ZNF382: variants seen among roughly 807,000 people sequenced by gnomAD.
ZNF382 encodes the protein zinc finger protein 382.
Under a neutral mutation model 38.8 loss-of-function variants are expected in ZNF382, and 20 were observed. That is an observed-to-expected ratio of 0.51 (90% CI 0.36 to 0.75). The LOEUF (loss-of-function observed/expected upper bound fraction) is 0.75. Among genes scored for constraint, ZNF382 ranks in the 30% least tolerant of loss-of-function variants. The pLI, the probability that ZNF382 is intolerant of heterozygous loss-of-function variation, is 0.00. For missense variants in ZNF382, 546 were observed against 654.1 expected (o/e 0.83, Z 1.80); for synonymous variants, 202 against 223.1 (o/e 0.91, Z 0.84).
At position 36,607,579 on chromosome 19, in the gene ZNF382, T is replaced by C. The variant is rs2037044641; in HGVS notation, c.-57T>C. 1.3e-6 allele frequency: 2 copies of C among 1,534,926 alleles called. No individual in the cohort carries two copies. The highest frequency in any genetic ancestry group is 1.7e-6 in the Non-Finnish European group (2 of 1,146,516). ...CTGTTTCTTTTTCCAAAAGAGGAGC[T>C]CAAAAGAGAAAGTTCATCTAGAAAT... On this transcript the variant is annotated 5_prime_UTR_variant, in exon 2 of 5. Transcript: ENST00000292928.
At position 36,633,722 on chromosome 19, in the gene ZNF382, C is replaced by G. The variant is rs2037268735; in HGVS notation, c.*6172C>G. ...GTAAATGGATACACTGTGGTACATT[C>G]CCAAGATGGAATTCTACTCAACGAT... On this transcript the variant is annotated 3_prime_UTR_variant, in exon 5 of 5. Transcript: ENST00000292928. The G allele has an allele frequency of 6.6e-6, 1 of 151,952 alleles. No homozygotes were observed. Among genetic ancestry groups the G allele is most frequent in the South Asian group, 2.1e-4 (1 of 4,814 alleles). The allele number at this position is 151,952 out of a possible 1,614,324, so 9.4% of individuals were successfully genotyped here. A position where few individuals can be genotyped will look rare whatever the true frequency, so the allele number is the denominator to read the frequency against.
chr19:36,627,328 A>G lies in ZNF382; in HGVS notation c.1431A>G (p.Ala477=). ...GTGGGAAGTCCTTCCGCCAGAAGGC[A>G]ATCCTCACTGTTCATCACAGAATAC... is the stretch of plus-strand genomic sequence containing the variant. The part of the protein sequence containing the change: ...NECGKSFRQK[A]ILTVHHRIHT... Residue 477 remains alanine (A), a synonymous_variant, in exon 5 of 5, where the codon GCA becomes GCG. Transcript: ENST00000292928. The G allele has an allele frequency of 6.2e-7, 1 of 1,614,190 alleles. No homozygotes were observed.
At chr19:36,618,175 TC>T (rs1216607501) in intron 4 of ZNF382, among the ~76,000 whole-genome samples, 2 of 152,196 alleles carry the variant, frequency 1.3e-5, no homozygotes, top group African/African-American at 4.8e-5. Context: ...ATATTGGTCT[TC>T]ATGAATCCAT....
At chr19:36,613,366 A>C (rs948650028) in intron 4 of ZNF382, among the ~76,000 whole-genome samples, 4 of 148,974 alleles carry the variant, frequency 2.7e-5, no homozygotes, top group African/African-American at 9.9e-5. Flanking sequence ...AGTGAGGATA[A>C]TTCTCTTTTC....
At chr19:36,623,827 ACAC>A (rs1299196001) in intron 4 of ZNF382, among the ~76,000 whole-genome samples, 1 of 150,492 alleles carries the variant, frequency 6.6e-6, no homozygotes, top group Non-Finnish European at 1.5e-5. Flanking sequence ...GCAGTGGCTC[ACAC>A]CTGTAATCTC....
In ZNF382 at chr19:36,632,809, A is replaced by G. The variant is rs1463123641; in HGVS notation, c.*5259A>G. On this transcript the variant is annotated 3_prime_UTR_variant, in exon 5 of 5. Transcript: ENST00000292928. Reference sequence around the variant, plus strand: ...CCTGATAATGTATGTGAACAAGCATATCTCCTCACCCTCTGTGTCCCCAGT... The same window carrying G: ...CCTGATAATGTATGTGAACAAGCATGTCTCCTCACCCTCTGTGTCCCCAGT... 1 of 152,216 alleles carries G rather than the reference A, an allele frequency of 6.6e-6. No homozygotes were observed. Among genetic ancestry groups the G allele is most frequent in the Non-Finnish European group, 1.5e-5 (1 of 68,046 alleles). The allele number at this position is 152,216 out of a possible 1,614,324, so 9.4% of individuals were successfully genotyped here.
rs890859814 is a variant in ZNF382, at chr19:36,628,409, A to C, written c.*859A>C. ...ACTTTCACCACATGAGATAATTGAC[A>C]CTGAAGGGAAACAGCTATAAATTTT... On this transcript the variant is annotated 3_prime_UTR_variant, in exon 5 of 5. Transcript: ENST00000292928. 1 of 152,896 alleles carries C rather than the reference A, an allele frequency of 6.5e-6. No individual in the cohort carries two copies. Among genetic ancestry groups the C allele is most frequent in the Non-Finnish European group, 1.5e-5 (1 of 68,086 alleles). The allele number at this position is 152,896 out of a possible 1,614,324, so 9.5% of individuals were successfully genotyped here. A position where few individuals can be genotyped will look rare whatever the true frequency, so the allele number is the denominator to read the frequency against.
chr19:36,607,639 T>C lies in ZNF382; in HGVS notation c.-14+17T>C. 1 of 1,516,532 alleles carries C rather than the reference T, an allele frequency of 6.6e-7. No homozygotes were observed. The highest frequency in any genetic ancestry group is 8.8e-7 in the Non-Finnish European group (1 of 1,140,406). 93.9% of individuals were successfully genotyped at this position (1,516,532 alleles called of 1,614,324 possible). ...ATGTCTCAGGTGAGATGATGTTTCC[T>C]CTCTTTCTGAAATAACTTTTTTTCA... On this transcript the variant is annotated intron_variant, in intron 2 of 4. Transcript: ENST00000292928.
chr19:36,610,088 ATCTCCTTC>A (rs1486116372), intron 3 of ZNF382, 35 bp downstream of exon 3: 1 of 1,605,752 alleles, frequency 6.2e-7, no homozygotes, highest in African/African-American at 1.3e-5. Flanking sequence ...ACTGTCATGC[ATCTCCTTC>A]TAAGAATTCC....
chr19:36,614,860 A>ATTTC lies in ZNF382; in HGVS notation c.232+4137_232+4140dup, dbSNP rs199859076. ...CGGGAGTCGGAGGTTGCAATGAACC[A>ATTTC]TTTCTTTCTTTCTTTCTTTCTTCCT... On this transcript the variant is annotated intron_variant, in intron 4 of 4. Transcript: ENST00000292928. 2.4e-3 allele frequency among the ~76,000 whole-genome samples: 323 copies of ATTTC among 137,310 alleles called. 5 individuals are homozygous for ATTTC. The East Asian group carries it at 0.04, about 17-fold the overall frequency. 90.1% of individuals were successfully genotyped at this position (137,310 alleles called of 152,430 possible). A position where few individuals can be genotyped will look rare whatever the true frequency, so the allele number is the denominator to read the frequency against.
intron 4 of ZNF382, among the ~76,000 whole-genome samples, chr19:36,621,324 GTTTTTTT>G (rs10557413): frequency 1.9e-5 from 2 of 104,470 alleles, no homozygotes; most frequent in African/African-American, 3.8e-5. Flanking sequence ...TTTTTCCCTA[GTTTTTTT>G]TTTTTTTTTT....
Position 36,631,216 on chromosome 19 carries a change from G to T in ZNF382, c.*3666G>T, listed in dbSNP as rs1233164061. ...CAGAGTGCTGATACAAACCGAGATG[G>T]TACAGCCTACTAAACACCTAGGCTA... On this transcript the variant is annotated 3_prime_UTR_variant, in exon 5 of 5. Transcript: ENST00000292928. 6.6e-6 allele frequency: 1 copy of T among 152,120 alleles called. No homozygotes were observed. The highest frequency in any genetic ancestry group is 1.9e-4 in the East Asian group (1 of 5,194). The allele number at this position is 152,120 out of a possible 1,614,324, so 9.4% of individuals were successfully genotyped here.
intron 4 of ZNF382, among the ~76,000 whole-genome samples, chr19:36,615,198 G>C (rs1350302065): frequency 6.6e-6 from 1 of 151,808 alleles, no homozygotes; most frequent in Non-Finnish European, 1.5e-5. Context: ...ATATTGGCCA[G>C]GCTGGTCTCG....
intron 4 of ZNF382, among the ~76,000 whole-genome samples, chr19:36,611,107 G>A (rs1387625416): frequency 6.6e-6 from 1 of 152,090 alleles, no homozygotes; most frequent in Admixed American, 6.6e-5. Flanking sequence ...GGCTAACACA[G>A]TGAAACCCTG....
At chr19:36,612,978 A>G (rs1461915116) in intron 4 of ZNF382, among the ~76,000 whole-genome samples, 1 of 151,884 alleles carries the variant, frequency 6.6e-6, no homozygotes, top group African/African-American at 2.4e-5. Context: ...TTTTTAGTAG[A>G]GACGGGGTTT....
intron 4 of ZNF382, among the ~76,000 whole-genome samples, chr19:36,622,284 G>C (rs1410833871): frequency 1.3e-5 from 2 of 152,134 alleles, no homozygotes; most frequent in East Asian, 3.9e-4. Flanking sequence ...GCCTCCCAAA[G>C]TGCTGGAATT....
intron 2 of ZNF382, chr19:36,607,855 C>G (rs2037047063): frequency 2.0e-6 from 1 of 512,438 alleles, no homozygotes; most frequent in Non-Finnish European, 3.4e-6. Flanking sequence ...CCTGCCTCAC[C>G]CTGTATCCAG....
At chr19:36,617,629 A>C (rs781073138) in intron 4 of ZNF382, among the ~76,000 whole-genome samples, 3 of 152,322 alleles carry the variant, frequency 2.0e-5, no homozygotes, top group Non-Finnish European at 4.4e-5. Flanking sequence ...GTTTTGAAGT[A>C]CTGGGGAGAG....
chr19:36,606,377 A>G (rs922912524), intron 1 of ZNF382, among the ~76,000 whole-genome samples: 8 of 149,356 alleles, frequency 5.4e-5, no homozygotes, highest in Non-Finnish European at 1.2e-4. Flanking sequence ...TTGTTTTAAG[A>G]CAAGGTCTTG....
Sources: gnomAD v4.1 joint callset for allele counts (sites outside exome capture counted in the v4.1 genomes callset) on GRCh38, gnomAD v4.1.1 for gene constraint, MANE v1.5 for transcripts, NCBI Gene and HGNC (gene_info 2026-07-23, HGNC 2026-07-21) for gene names.